NAALADL2: variants seen among roughly 807,000 people sequenced by gnomAD.
NAALADL2 encodes the protein inactive N-acetylated-alpha-linked acidic dipeptidase-like protein 2.
Under a neutral mutation model 87.2 loss-of-function variants are expected in NAALADL2, and 76 were observed. The observed-to-expected ratio is 0.87, with a 90% confidence interval of 0.72 to 1.05. The LOEUF is 1.05. Among genes scored for constraint, NAALADL2 ranks in the 50% least tolerant of loss-of-function variants. The pLI, the probability that NAALADL2 is intolerant of heterozygous loss-of-function variation, is 0.00. For synonymous variants in NAALADL2, 354 were observed against 331.0 expected (o/e 1.07, Z -0.75); for missense variants, 1,089 against 945.8 (o/e 1.15, Z -1.99).
chr3:174,589,162 G>A (rs912062485), intron 2 of NAALADL2, among the ~76,000 whole-genome samples: 1 of 152,182 alleles, frequency 6.6e-6, no homozygotes, highest in Non-Finnish European at 1.5e-5. Context: ...CCTTGGGCGT[G>A]GGACCCTCTG....
At chr3:174,794,825 T>C (rs913708869) in intron 3 of NAALADL2, among the ~76,000 whole-genome samples, 1 of 152,016 alleles carries the variant, frequency 6.6e-6, no homozygotes, top group African/African-American at 2.4e-5. Context: ...TTGTCTCCAT[T>C]TGGTCATTTA....
chr3:174,472,068 G>C (rs568393213), intron 1 of NAALADL2, among the ~76,000 whole-genome samples: 109 of 152,174 alleles, frequency 7.2e-4, no homozygotes, highest in African/African-American at 2.5e-3. Context: ...TGAGAAGCAA[G>C]ATTTATTTTT....
intron 1 of NAALADL2, among the ~76,000 whole-genome samples, chr3:175,057,454 A>G (rs1181232216): frequency 3.3e-5 from 5 of 152,170 alleles, no homozygotes; most frequent in African/African-American, 1.2e-4. Context: ...TCATGGACCT[A>G]GCATCTTAGA....
At chr3:174,686,265 A>G (rs988746884) in intron 2 of NAALADL2, among the ~76,000 whole-genome samples, 2 of 152,134 alleles carry the variant, frequency 1.3e-5, no homozygotes, top group Non-Finnish European at 2.9e-5. Context: ...GCAATGGCTG[A>G]ACTAATTTAC....
chr3:175,337,064 T>C (rs1560385164), intron 5 of NAALADL2, among the ~76,000 whole-genome samples: 1 of 150,436 alleles, frequency 6.6e-6, no homozygotes, highest in East Asian at 1.9e-4. Context: ...GTTGTTACCA[T>C]GGTATCTCTT....
chr3:174,502,735 A>G (rs1392875654), intron 1 of NAALADL2, among the ~76,000 whole-genome samples: 8 of 152,078 alleles, frequency 5.3e-5, no homozygotes, highest in African/African-American at 1.9e-4. Flanking sequence ...CTTGATATGA[A>G]TAAAAAATAA....
chr3:175,322,019 C>T lies in NAALADL2; in HGVS notation c.940-2156C>T, dbSNP rs566182464. ...GTTCTTATGGAACCAAAAAAGAGCC[C>T]GCATCACCAAGTCAATCCGAAGCCA... On this transcript the variant is annotated intron_variant, in intron 4 of 13. Coordinates refer to ENST00000454872, the MANE Select transcript of NAALADL2 (RefSeq NM_207015.3). 1.4e-3 allele frequency among the ~76,000 whole-genome samples: 208 copies of T among 151,952 alleles called. 1 individual carries two copies. Among genetic ancestry groups the T allele is most frequent in the South Asian group, 1.7e-3 (8 of 4,800 alleles).
chr3:174,934,488 TAA>T (rs1464471494), intron 1 of NAALADL2, among the ~76,000 whole-genome samples: 2 of 152,092 alleles, frequency 1.3e-5, no homozygotes, highest in African/African-American at 2.4e-5. Flanking sequence ...CATGATACAT[TAA>T]GTTTAGTCAT....
At chr3:175,175,508 G>A (rs16824453) in intron 2 of NAALADL2, among the ~76,000 whole-genome samples, 5,987 of 151,896 alleles carry the variant, frequency 0.039, 207 homozygotes, top group Admixed American at 0.1. Flanking sequence ...AAAATTTCCT[G>A]TTGTCCGTGT....
At chr3:175,363,410 A>G (rs1221085025) in intron 5 of NAALADL2, among the ~76,000 whole-genome samples, 1 of 147,702 alleles carries the variant, frequency 6.8e-6, no homozygotes, top group Non-Finnish European at 1.5e-5. Flanking sequence ...ATTTAAACAT[A>G]AAATACCAAA....
At chr3:175,741,245 A>G (rs557742185) in intron 12 of NAALADL2, among the ~76,000 whole-genome samples, 8 of 152,302 alleles carry the variant, frequency 5.3e-5, no homozygotes, top group Admixed American at 2.6e-4. Context: ...GTGAGGGTTC[A>G]CTTCCCGGTT....
chr3:175,550,900 C>A (rs962606262), intron 9 of NAALADL2, among the ~76,000 whole-genome samples: 27 of 152,144 alleles, frequency 1.8e-4, no homozygotes, highest in African/African-American at 6.5e-4. Context: ...ATGCAAAGCA[C>A]TGGATTGATT....
At chr3:175,772,101 C>A (rs116099278) in intron 13 of NAALADL2, among the ~76,000 whole-genome samples, 4 of 152,102 alleles carry the variant, frequency 2.6e-5, no homozygotes, top group Non-Finnish European at 5.9e-5. Context: ...TCTGCAAAGA[C>A]GCTTTTTGCA....
At chr3:174,833,212 TAATAAAA>T (rs1722935198) in intron 3 of NAALADL2, among the ~76,000 whole-genome samples, 1 of 152,206 alleles carries the variant, frequency 6.6e-6, no homozygotes, top group African/African-American at 2.4e-5. Context: ...TAACTTTGGT[TAATAAAA>T]AATGAGAAAT....
chr3:175,181,767 G>GTGTATATATA (rs1430499104), intron 2 of NAALADL2, among the ~76,000 whole-genome samples: 1 of 121,044 alleles, frequency 8.3e-6, no homozygotes, highest in Non-Finnish European at 1.7e-5. Context: ...GTGTATATAT[G>GTGTATATATA]TGTGTATATA....
At chr3:174,857,888 T>C (rs1299145236), upstream of NAALADL2, among the ~76,000 whole-genome samples, 2 of 152,002 alleles carry the variant, frequency 1.3e-5, no homozygotes, top group Non-Finnish European at 2.9e-5. Flanking sequence ...TTTAATGTCA[T>C]GTTTGCCTTT....
chr3:175,024,798 T>C (rs1047561126), intron 1 of NAALADL2, among the ~76,000 whole-genome samples: 2 of 152,070 alleles, frequency 1.3e-5, no homozygotes, highest in South Asian at 4.1e-4. Flanking sequence ...GTAGCAGCTC[T>C]CATTTGTCAG....
rs146402885 is a variant in NAALADL2, at chr3:175,380,084, G to A, written c.1090+55759G>A. ...GCAGAGGGGAGAGATAGCATTAGGA[G>A]ATATACCTAATGCTAAATGACGAGT... On this transcript the variant is annotated intron_variant, in intron 5 of 13. Coordinates refer to ENST00000454872, the MANE Select transcript of NAALADL2 (RefSeq NM_207015.3). Among the ~76,000 whole-genome samples, 413 of 152,086 alleles carry A rather than the reference G, an allele frequency of 2.7e-3. 1 individual carries two copies. The highest frequency in any genetic ancestry group is 9.3e-3 in the African/African-American group (384 of 41,502).
chr3:175,626,818 T>C (rs1727049547), intron 10 of NAALADL2, among the ~76,000 whole-genome samples: 1 of 151,854 alleles, frequency 6.6e-6, no homozygotes, highest in African/African-American at 2.4e-5. Context: ...TGTTCTACAC[T>C]CAGTATACTT....
Sources: allele counts gnomAD v4.1 joint callset (sites outside exome capture counted in the v4.1 genomes callset), GRCh38; gene constraint gnomAD v4.1.1; transcripts MANE v1.5; gene names NCBI Gene and HGNC (gene_info 2026-07-23, HGNC 2026-07-21).